Variants in UTP20 observed in about 807,000 individuals in gnomAD.
The protein encoded by UTP20 is small subunit processome component 20 homolog.
Under a neutral mutation model 329.5 loss-of-function variants are expected in UTP20, and 164 were observed. The ratio of observed to expected loss-of-function variants is 0.50; its 90% confidence interval spans 0.44 to 0.57. The LOEUF (loss-of-function observed/expected upper bound fraction) is 0.57. Among genes scored for constraint, UTP20 ranks in the 20% least tolerant of loss-of-function variants. The pLI, the probability that UTP20 is intolerant of heterozygous loss-of-function variation, is 0.00. For synonymous variants in UTP20, 1,151 were observed against 1,159.3 expected, an observed-to-expected ratio of 0.99 and a Z score of 0.14; for missense variants, 3,055 against 3,284.2, an observed-to-expected ratio of 0.93 and a Z score of 1.71.
chr12:101,366,826 T>C, intron 47 of UTP20, 127 bp downstream of exon 47: 1 of 1,263,248 alleles, frequency 7.9e-7, no homozygotes, highest in Non-Finnish European at 1.1e-6. Context: ...TTTAGATTTT[T>C]TTTTTTTACA....
chr12:101,356,524 A>G (rs1869726639), intron 41 of UTP20, 30 bp from the exon 42 acceptor site: 1 of 1,577,144 alleles, frequency 6.3e-7, no homozygotes, highest in Non-Finnish European at 8.6e-7. Context: ...ATTTATTTTC[A>G]TTTTAGCTTA....
Position 101,369,848 on chromosome 12 carries a change from C to A in UTP20, c.6512C>A (p.Ala2171Asp), listed in dbSNP as rs1161357834. Reference protein sequence around the residue: ...LLLKDYAKLGAARGQNFHLVV... With the variant: ...LLLKDYAKLGDARGQNFHLVV... The stretch of plus-strand genomic sequence containing the variant: ...CTGAAGGACTATGCAAAGCTCGGGG[C>A]CGCCAGGGGCCAGAACTTCCACCTT... Residue 2171 changes from alanine to aspartate, a missense_variant, in exon 49 of 62, where the codon GCC (alanine) becomes GAC (aspartate). By Grantham distance (126) the Ala-to-Asp change is moderately radical (BLOSUM62 -2). Transcript: ENST00000261637. The A allele has an allele frequency of 6.2e-7, 1 of 1,613,980 alleles. No homozygotes were observed. The highest frequency in any genetic ancestry group is 1.3e-5 in the African/African-American group (1 of 74,992).
chr12:101,300,178 G>A, intron 14 of UTP20, 117 bp downstream of exon 14: 1 of 1,016,122 alleles, frequency 9.8e-7, no homozygotes, highest in South Asian at 1.5e-5. Flanking sequence ...TAACCCCCTG[G>A]ATGATAAATC....
intron 44 of UTP20, 21 bp downstream of exon 44, chr12:101,362,081 T>C (rs1593449182): frequency 2.5e-6 from 4 of 1,588,272 alleles, no homozygotes; most frequent in Non-Finnish European, 3.4e-6. Context: ...CAGAAACGAA[T>C]TCTAATTTTT....
chr12:101,334,578 C>A, intron 29 of UTP20, 74 bp downstream of exon 29: 1 of 1,254,160 alleles, frequency 8.0e-7, no homozygotes, highest in Non-Finnish European at 1.1e-6. Context: ...GTCCAGGAAA[C>A]TAATAGTGTA....
rs1256432932 is a variant in UTP20 at position 101,373,851 on chromosome 12, G to A, written c.7131+84G>A. ...TAAGTAAGAATATATGTCATACACT[G>A]TTGAATTGGTTTTTTTCCCAAATAG... On this transcript the variant is annotated intron_variant, in intron 54 of 61. Transcript: ENST00000261637. 3 of 1,419,694 alleles carry A rather than the reference G, an allele frequency of 2.1e-6. No individual in the cohort carries two copies. The Admixed American group carries it at 7.4e-5, about 35-fold the overall frequency. The allele number at this position is 1,419,694 out of a possible 1,614,324, so 87.9% of individuals were successfully genotyped here.
At chr12:101,301,216 GT>G (rs1872513185) in intron 14 of UTP20, among the ~76,000 whole-genome samples, 1 of 152,168 alleles carries the variant, frequency 6.6e-6, no homozygotes, top group African/African-American at 2.4e-5. Flanking sequence ...CTAAATGAGT[GT>G]TTAATTAATA....
At chr12:101,295,977 G>T (rs182599573) in intron 12 of UTP20, among the ~76,000 whole-genome samples, 113 of 152,296 alleles carry the variant, frequency 7.4e-4, no homozygotes, top group African/African-American at 2.6e-3. Context: ...TAAAGTTATT[G>T]TAGATTCACG....
chr12:101,346,322 T>G lies in UTP20; in HGVS notation c.4747-129T>G, dbSNP rs112545285. ...CATCTCGGCCTCCCGAGTGCTAGGA[T>G]TACAGGCATGAGCCACCGCACCTGG... On this transcript the variant is annotated intron_variant, in intron 37 of 61. Coordinates refer to ENST00000261637, the MANE Select transcript of UTP20 (RefSeq NM_014503.3). The G allele has an allele frequency of 6.5e-4, 727 of 1,122,646 alleles. 10 individuals carry two copies. In the South Asian group the frequency reaches 0.011, roughly 17 times the overall value. 69.5% of individuals were successfully genotyped at this position (1,122,646 alleles called of 1,614,324 possible). A position where few individuals can be genotyped will look rare whatever the true frequency, so the allele number is the denominator to read the frequency against.
intron 38 of UTP20, among the ~76,000 whole-genome samples, chr12:101,349,418 CTT>C (rs775265689): frequency 1.4e-5 from 2 of 138,626 alleles, no homozygotes; most frequent in Non-Finnish European, 1.6e-5. Flanking sequence ...TTTTTTCTTT[CTT>C]TTTTTTTTTT....
intron 8 of UTP20, 179 bp downstream of exon 8, chr12:101,291,067 T>C (rs757924368): frequency 2.6e-5 from 15 of 567,106 alleles, no homozygotes; most frequent in Non-Finnish European, 3.9e-5. Context: ...TTATTTGATA[T>C]GTTATCTTGA....
At chr12:101,382,231 C>G (rs1214138852) in intron 58 of UTP20, among the ~76,000 whole-genome samples, 2 of 151,838 alleles carry the variant, frequency 1.3e-5, no homozygotes, top group Non-Finnish European at 2.9e-5. Flanking sequence ...ATGGCGAAAC[C>G]CTGTCTCTAC....
Position 101,286,431 on chromosome 12 carries a change from A to C in UTP20, c.437A>C (p.Glu146Ala). The change falls in exon 5 of 62, where the codon GAA (glutamate) becomes GCA (alanine). Residue 146 changes from glutamate to alanine, a missense_variant. Glu to Ala is a moderately radical substitution (Grantham distance 107). Around this residue, in one of 3 missense-constraint regions of UTP20, gnomAD observed 2,445 missense variants for 2,575.5 expected, o/e 0.95. Coordinates refer to ENST00000261637, the MANE Select transcript of UTP20 (RefSeq NM_014503.3). ...GAGACTCAGGACACAGAGTTGTTAG[A>C]ATGGGCTTTCACCTCGTTATCATAT... ...ILETQDTELL[E>A]WAFTSLSYLY... 1 of 1,613,928 alleles carries C rather than the reference A, an allele frequency of 6.2e-7. No individual in the cohort carries two copies. Among genetic ancestry groups the C allele is most frequent in the Non-Finnish European group, 8.5e-7 (1 of 1,179,924 alleles).
chr12:101,381,023 G>A lies in UTP20; in HGVS notation c.7585-117G>A, dbSNP rs1490130291. 3 of 807,072 alleles carry A rather than the reference G, an allele frequency of 3.7e-6. No individual in the cohort carries two copies. In the African/African-American group the frequency reaches 5.0e-5, roughly 14 times the overall value. 50.0% of individuals were successfully genotyped at this position (807,072 alleles called of 1,614,324 possible). On this transcript the variant is annotated intron_variant, in intron 57 of 61. Coordinates refer to ENST00000261637, the MANE Select transcript of UTP20 (RefSeq NM_014503.3). ...CTTTCCTCTCCAAATCTATACAGGT[G>A]GTCATTCAGAGCAAAATCCAGTACG... is the stretch of plus-strand genomic sequence containing the variant.
intron 49 of UTP20, 111 bp from the exon 50 acceptor site, chr12:101,370,321 T>C: frequency 3.0e-6 from 4 of 1,314,066 alleles, no homozygotes; most frequent in Non-Finnish European, 4.1e-6. Flanking sequence ...GCTAGAGGGC[T>C]GGCACCCTGT....
At chr12:101,321,445 T>A (rs1008672526) in intron 24 of UTP20, 59 bp from the exon 25 acceptor site, 5 of 1,599,672 alleles carry the variant, frequency 3.1e-6, no homozygotes, top group Non-Finnish European at 4.3e-6. Context: ...TTTCACTCTT[T>A]CATTATTCAA....
Position 101,280,106 on chromosome 12 carries a change from C to T in UTP20, c.-177C>T, listed in dbSNP as rs756794489. The T allele has an allele frequency of 1.1e-5, 8 of 758,018 alleles. No individual in the cohort carries two copies. The highest frequency in any genetic ancestry group is 1.5e-5 in the Non-Finnish European group (7 of 477,538). The allele number at this position is 758,018 out of a possible 1,614,324, so 47.0% of individuals were successfully genotyped here. On this transcript the variant is annotated 5_prime_UTR_variant, in exon 1 of 62. Transcript: ENST00000261637. ...TTCTTTTTTCCGTCCACGTGACCCA[C>T]TCAGGCTCCTCCTTGTCTCCAACAT...
chr12:101,356,062 T>G (rs1302139355), intron 41 of UTP20, among the ~76,000 whole-genome samples: 11 of 152,248 alleles, frequency 7.2e-5, no homozygotes, highest in Non-Finnish European at 1.5e-4. Context: ...AAATTAGATA[T>G]TTGGTTTGTT....
In UTP20 at chr12:101,373,015, C is replaced by T. The variant is rs557372556; in HGVS notation, c.6878+52C>T. ...GGGCGGAGGGTAGTTTCTTCTTTCC[C>T]TTTAACATGGCGGCTGTCTTAAAAA... On this transcript the variant is annotated intron_variant, in intron 52 of 61. Transcript: ENST00000261637. The T allele has an allele frequency of 6.1e-6, 9 of 1,463,726 alleles. No individual in the cohort carries two copies. The South Asian group carries it at 8.0e-5, about 13-fold the overall frequency. 90.7% of individuals were successfully genotyped at this position (1,463,726 alleles called of 1,614,324 possible). A position where few individuals can be genotyped will look rare whatever the true frequency, so the allele number is the denominator to read the frequency against.
Sources: gnomAD v4.1 joint callset for allele counts (sites outside exome capture counted in the v4.1 genomes callset) on GRCh38, gnomAD v4.1.1 for gene constraint, gnomAD v4.1.1 regional missense constraint, MANE v1.5 for transcripts, NCBI Gene and HGNC (gene_info 2026-07-23, HGNC 2026-07-21) for gene names.